The following ZBTB20 variants were observed in gnomAD, a reference collection of about 807,000 sequenced individuals.
The protein encoded by ZBTB20 is zinc finger and BTB domain containing 20.
In ZBTB20, 9 loss-of-function variants were observed where a neutral mutation model predicts 56.9. The observed-to-expected ratio is 0.16, with a 90% CI of 0.10 to 0.28. The LOEUF is 0.28. ZBTB20 is among the 10% of genes least tolerant of loss of function. The pLI is 1.00. For synonymous variants in ZBTB20, 417 were observed against 420.7 expected, an observed-to-expected ratio of 0.99 and a Z score of 0.11; for missense variants, 655 against 1,003.0, an observed-to-expected ratio of 0.65 and a Z score of 4.69.
intron 4 of ZBTB20, among the ~76,000 whole-genome samples, chr3:114,882,401 A>G (rs1402001924): frequency 2.0e-5 from 3 of 152,170 alleles, no homozygotes; most frequent in African/African-American, 7.2e-5. Flanking sequence ...AACAGGCATC[A>G]AAATTTTAAT....
chr3:114,362,581 A>C (rs992762203), intron 10 of ZBTB20, among the ~76,000 whole-genome samples: 3 of 152,104 alleles, frequency 2.0e-5, no homozygotes, highest in Admixed American at 6.5e-5. Flanking sequence ...TTCTATTTTC[A>C]ATAGAATTTA....
At chr3:114,831,087 C>CTTTTTTTTTTTTTTTTTTT (rs57265260) in intron 4 of ZBTB20, among the ~76,000 whole-genome samples, 4 of 55,550 alleles carry the variant, frequency 7.2e-5, no homozygotes, top group African/African-American at 9.7e-5. Context: ...TTTCTTTCTT[C>CTTTTTTTTTTTTTTTTTTT]TTTTTTTTTT....
intron 2 of ZBTB20, among the ~76,000 whole-genome samples, chr3:115,062,134 T>C (rs1175190839): frequency 6.6e-6 from 1 of 152,184 alleles, no homozygotes; most frequent in African/African-American, 2.4e-5. Context: ...GTTACCAGCA[T>C]TGCCAGCCCC....
intron 7 of ZBTB20, among the ~76,000 whole-genome samples, chr3:114,409,161 A>G (rs138653580): frequency 0.017 from 2,477 of 143,686 alleles, 41 homozygotes; most frequent in South Asian, 0.056. Flanking sequence ...TTTCTGAGAG[A>G]AAAAGAGCAC....
At chr3:115,096,129 T>C (rs528819960) in intron 1 of ZBTB20, among the ~76,000 whole-genome samples, 1 of 152,310 alleles carries the variant, frequency 6.6e-6, no homozygotes, top group South Asian at 2.1e-4. Context: ...AACAAAAATG[T>C]CTTACACAGT....
intron 1 of ZBTB20, among the ~76,000 whole-genome samples, chr3:115,140,569 G>A (rs2084785739): frequency 6.6e-6 from 1 of 151,782 alleles, no homozygotes; most frequent in Admixed American, 6.6e-5. Flanking sequence ...TGGTGGTAGG[G>A]GTCTTTGTTT....
intron 7 of ZBTB20, among the ~76,000 whole-genome samples, chr3:114,477,824 A>G (rs1190604871): frequency 6.6e-6 from 1 of 150,826 alleles, no homozygotes; most frequent in Non-Finnish European, 1.5e-5. Flanking sequence ...CATAGACTTC[A>G]GTCTTTCTTT....
At chr3:114,638,101 T>A (rs1209860591) in intron 6 of ZBTB20, among the ~76,000 whole-genome samples, 1 of 152,056 alleles carries the variant, frequency 6.6e-6, no homozygotes, top group African/African-American at 2.4e-5. Flanking sequence ...ATTCTCTAAT[T>A]TGCTTGCTTC....
At chr3:114,793,078 C>T (rs1438911670) in intron 5 of ZBTB20, among the ~76,000 whole-genome samples, 1 of 151,812 alleles carries the variant, frequency 6.6e-6, no homozygotes, top group Non-Finnish European at 1.5e-5. Flanking sequence ...CAGAGTTTCA[C>T]CATGTTGGTC....
At chr3:115,014,960 C>T (rs1203404393) in intron 2 of ZBTB20, among the ~76,000 whole-genome samples, 2 of 151,760 alleles carry the variant, frequency 1.3e-5, no homozygotes, top group Non-Finnish European at 2.9e-5. Context: ...CTAAGAAAAG[C>T]TATTTCGCTG....
At position 114,610,750 on chromosome 3, in the gene ZBTB20, C is replaced by T. The variant is rs16845158; in HGVS notation, c.-295+82778G>A. 8.7e-3 allele frequency among the ~76,000 whole-genome samples: 1,328 copies of T among 152,008 alleles called. 25 individuals are homozygous for T. Among genetic ancestry groups the T allele is most frequent in the African/African-American group, 0.03 (1,225 of 41,450 alleles). On this transcript the variant is annotated intron_variant, in intron 6 of 11. Transcript: ENST00000675478. Reference sequence around the variant, plus strand: ...GTGGGGCATATACATTTTGCTGAAACGAGAAGATGAAGGGAAAAGTAAAGC... The same window carrying T: ...GTGGGGCATATACATTTTGCTGAAATGAGAAGATGAAGGGAAAAGTAAAGC...
At chr3:114,605,845 A>G (rs1158447863) in intron 6 of ZBTB20, among the ~76,000 whole-genome samples, 1 of 152,202 alleles carries the variant, frequency 6.6e-6, no homozygotes, top group Non-Finnish European at 1.5e-5. Context: ...AAAAAAGTAC[A>G]GAGCAAGACA....
intron 5 of ZBTB20, among the ~76,000 whole-genome samples, chr3:114,782,845 G>T (rs1382224715): frequency 6.6e-6 from 1 of 152,162 alleles, no homozygotes; most frequent in African/African-American, 2.4e-5. Flanking sequence ...GCAGAGATAA[G>T]TTGAAAGTCC....
chr3:114,525,687 C>T (rs1577294825), intron 6 of ZBTB20, among the ~76,000 whole-genome samples: 1 of 152,142 alleles, frequency 6.6e-6, no homozygotes, highest in South Asian at 2.1e-4. Context: ...GCCTAAGGAT[C>T]CTGACTTACA....
chr3:115,134,732 G>A (rs1364415337), intron 1 of ZBTB20, among the ~76,000 whole-genome samples: 1 of 152,194 alleles, frequency 6.6e-6, no homozygotes, highest in East Asian at 1.9e-4. Flanking sequence ...TACCTGGAGT[G>A]TGTACTCTGA....
intron 5 of ZBTB20, among the ~76,000 whole-genome samples, chr3:114,717,833 T>TG (rs11373876): frequency 1 from 152,217 of 152,218 alleles, 76,108 homozygotes; most frequent in Middle Eastern, 1. Flanking sequence ...CTCAACTTCT[T>TG]GCAACAATTT....
chr3:115,010,587 T>A (rs532991706), intron 2 of ZBTB20, among the ~76,000 whole-genome samples: 1 of 152,070 alleles, frequency 6.6e-6, no homozygotes, highest in African/African-American at 2.4e-5. Context: ...CACAGTGTTA[T>A]TAGGCTTGGG....
intron 11 of ZBTB20, among the ~76,000 whole-genome samples, chr3:114,349,168 C>T (rs1028732032): frequency 1.3e-5 from 2 of 149,090 alleles, no homozygotes; most frequent in South Asian, 4.3e-4. Context: ...CTACTGCACT[C>T]CAGCCTGGGC....
At chr3:114,623,770 C>T (rs975986711) in intron 6 of ZBTB20, among the ~76,000 whole-genome samples, 5 of 152,028 alleles carry the variant, frequency 3.3e-5, no homozygotes, top group African/African-American at 7.2e-5. Context: ...TTCACTTCCC[C>T]CATCTACCTC....
Sources: gnomAD v4.1 joint callset for allele counts (sites outside exome capture counted in the v4.1 genomes callset) on GRCh38, gnomAD v4.1.1 for gene constraint, MANE v1.5 for transcripts, NCBI Gene and HGNC (gene_info 2026-07-23, HGNC 2026-07-21) for gene names.